GTF2F2: variants seen among roughly 807,000 people sequenced by gnomAD.
GTF2F2 encodes general transcription factor IIF subunit 2.
In GTF2F2, 23 loss-of-function variants were observed where a neutral mutation model predicts 42.2. The observed-to-expected ratio is 0.55, with a 90% CI of 0.39 to 0.77. GTF2F2 has a LOEUF of 0.77. Ranked by LOEUF, GTF2F2 falls within the 30% of genes least tolerant of loss-of-function variation. The probability of loss-of-function intolerance (pLI) is 0.00; values close to 1 mark genes in which losing one functional copy is unlikely to be tolerated. For synonymous variants in GTF2F2, 105 were observed against 100.8 expected (o/e 1.04, Z -0.25); for missense variants, 261 against 287.2 (o/e 0.91, Z 0.66).
chr13:45,155,288 A>G (rs1176215731), intron 4 of GTF2F2, among the ~76,000 whole-genome samples: 1 of 152,222 alleles, frequency 6.6e-6, no homozygotes, highest in Non-Finnish European at 1.5e-5. Flanking sequence ...TAAATGAAGT[A>G]GGCATTATCT....
At chr13:45,179,947 TTGGG>T (rs1872066880) in intron 4 of GTF2F2, among the ~76,000 whole-genome samples, 1 of 152,156 alleles carries the variant, frequency 6.6e-6, no homozygotes, top group South Asian at 2.1e-4. Flanking sequence ...TTCTTTTAAG[TTGGG>T]AGGTGGGGGT....
At chr13:45,139,331 A>G (rs1006824396) in intron 2 of GTF2F2, among the ~76,000 whole-genome samples, 2 of 152,146 alleles carry the variant, frequency 1.3e-5, no homozygotes, top group African/African-American at 4.8e-5. Flanking sequence ...AATAAGTAAA[A>G]ATCAAAAAAT....
chr13:45,202,779 C>A (rs1873256386), intron 4 of GTF2F2, among the ~76,000 whole-genome samples: 1 of 151,710 alleles, frequency 6.6e-6, no homozygotes, highest in South Asian at 2.1e-4. Context: ...ATGGTGAAAC[C>A]CTGGCTGTAC....
chr13:45,120,971 T>C (rs1938552908), intron 1 of GTF2F2, among the ~76,000 whole-genome samples: 1 of 152,236 alleles, frequency 6.6e-6, no homozygotes, highest in Non-Finnish European at 1.5e-5. Flanking sequence ...CTCACGGCTT[T>C]CCTGGAATCT....
intron 5 of GTF2F2, among the ~76,000 whole-genome samples, chr13:45,236,142 C>T (rs917968439): frequency 6.6e-6 from 1 of 152,150 alleles, no homozygotes; most frequent in African/African-American, 2.4e-5. Context: ...AAGGGCTTGG[C>T]AGTCCCAAAT....
intron 4 of GTF2F2, among the ~76,000 whole-genome samples, chr13:45,203,462 T>C (rs1873295399): frequency 6.6e-6 from 1 of 152,182 alleles, no homozygotes; most frequent in Admixed American, 6.6e-5. Flanking sequence ...ACTATCTAAA[T>C]GCAGACTCTT....
At chr13:45,123,297 A>C (rs1868773051) in intron 1 of GTF2F2, 1 of 151,874 alleles carries the variant, frequency 6.6e-6, no homozygotes, top group Non-Finnish European at 1.5e-5. Context: ...GTATGGTTGT[A>C]CTCCCCTGCT....
intron 2 of GTF2F2, among the ~76,000 whole-genome samples, chr13:45,138,127 C>T (rs1284091547): frequency 2.6e-5 from 4 of 152,132 alleles, no homozygotes; most frequent in Non-Finnish European, 5.9e-5. Flanking sequence ...CTCCTCTCGC[C>T]TCATTGGCTG....
chr13:45,124,462 C>T (rs939678884), intron 1 of GTF2F2, among the ~76,000 whole-genome samples: 3 of 151,308 alleles, frequency 2.0e-5, no homozygotes, highest in Admixed American at 6.6e-5. Context: ...TTTGGGAGGC[C>T]GAGGCGGGTG....
At chr13:45,170,396 C>T (rs1450878544) in intron 4 of GTF2F2, among the ~76,000 whole-genome samples, 1 of 152,188 alleles carries the variant, frequency 6.6e-6, no homozygotes, top group African/African-American at 2.4e-5. Context: ...TCCCACTTAA[C>T]ATCTTTTAAA....
Position 45,240,975 on chromosome 13 carries a change from CA to C in GTF2F2, c.387-11878del, listed in dbSNP as rs1210038157. Among the ~76,000 whole-genome samples, 905 of 106,456 alleles carry C rather than the reference CA, an allele frequency of 8.5e-3. 4 individuals carry two copies. The highest frequency in any genetic ancestry group is 0.01 in the Non-Finnish European group (514 of 50,376). The allele number at this position is 106,456 out of a possible 152,430, so 69.8% of individuals were successfully genotyped here. On this transcript the variant is annotated intron_variant, in intron 5 of 7. Coordinates refer to ENST00000340473, the MANE Select transcript of GTF2F2 (RefSeq NM_004128.3). ...GCAACATGGCAAAACCCTGTTATTA[CA>C]AAAAAAAAAAAAAAAAATTAGAAAA...
chr13:45,132,146 G>T (rs912365511), intron 1 of GTF2F2, among the ~76,000 whole-genome samples: 1 of 152,102 alleles, frequency 6.6e-6, no homozygotes. Context: ...TTATCTATTG[G>T]TATATAACCT....
intron 4 of GTF2F2, among the ~76,000 whole-genome samples, chr13:45,166,467 G>A (rs1871304727): frequency 6.6e-6 from 1 of 152,212 alleles, no homozygotes; most frequent in African/African-American, 2.4e-5. Flanking sequence ...TGACAGAATA[G>A]AAAATTATTT....
chr13:45,170,855 A>G, intron 4 of GTF2F2, among the ~76,000 whole-genome samples: 1 of 152,118 alleles, frequency 6.6e-6, no homozygotes. Flanking sequence ...GGAGATTGTA[A>G]TGAAAGCCCA....
chr13:45,134,778 T>G (rs1869530493), intron 1 of GTF2F2, among the ~76,000 whole-genome samples: 1 of 152,114 alleles, frequency 6.6e-6, no homozygotes, highest in Non-Finnish European at 1.5e-5. Context: ...AGAAGACCAG[T>G]CTGGAGTTGA....
intron 4 of GTF2F2, among the ~76,000 whole-genome samples, chr13:45,190,779 T>C (rs1872584056): frequency 6.6e-6 from 1 of 151,886 alleles, no homozygotes; most frequent in Admixed American, 6.6e-5. Flanking sequence ...TGAGACAGAA[T>C]CTCGCTCTGT....
intron 5 of GTF2F2, chr13:45,219,431 C>T (rs566687957): frequency 2.0e-5 from 3 of 152,314 alleles, no homozygotes; most frequent in African/African-American, 7.2e-5. Flanking sequence ...AGTCCCACAA[C>T]TTAAACCAAC....
chr13:45,211,969 A>G (rs1566136768), intron 5 of GTF2F2, among the ~76,000 whole-genome samples: 1 of 151,790 alleles, frequency 6.6e-6, no homozygotes, highest in Admixed American at 6.6e-5. Flanking sequence ...ACACACACAC[A>G]CGCACACACA....
At chr13:45,136,487 G>A (rs998308771) in intron 1 of GTF2F2, among the ~76,000 whole-genome samples, 9 of 152,160 alleles carry the variant, frequency 5.9e-5, no homozygotes, top group African/African-American at 2.2e-4. Flanking sequence ...AGATAAGTTG[G>A]TGCTTTATTA....
Sources: allele counts gnomAD v4.1 joint callset (sites outside exome capture counted in the v4.1 genomes callset), GRCh38; gene constraint gnomAD v4.1.1; transcripts MANE v1.5; gene names NCBI Gene and HGNC (gene_info 2026-07-23, HGNC 2026-07-21).